Variants in ADGRB3 observed in about 807,000 individuals in gnomAD.
ADGRB3 encodes the protein brain-specific angiogenesis inhibitor 3.
A neutral mutation model predicts 193.4 loss-of-function variants in ADGRB3; 37 were observed. That is an observed-to-expected ratio of 0.19 (90% confidence interval 0.15 to 0.25). ADGRB3 has a LOEUF of 0.25. Among genes scored for constraint, ADGRB3 ranks in the 10% least tolerant of loss-of-function variants. The pLI is 1.00. For missense variants in ADGRB3, 1,637 were observed against 1,852.9 expected, an observed-to-expected ratio of 0.88 and a Z score of 2.14; for synonymous variants, 690 against 644.2, an observed-to-expected ratio of 1.07 and a Z score of -1.08.
intron 20 of ADGRB3, among the ~76,000 whole-genome samples, chr6:69,279,260 C>T (rs1272341696): frequency 6.6e-6 from 1 of 151,742 alleles, no homozygotes; most frequent in Non-Finnish European, 1.5e-5. Context: ...GCTAAGAACA[C>T]TTACATTAGT....
chr6:68,855,530 A>G (rs1294872551), intron 3 of ADGRB3, among the ~76,000 whole-genome samples: 4 of 151,986 alleles, frequency 2.6e-5, no homozygotes, highest in Non-Finnish European at 5.9e-5. Flanking sequence ...TAAAATATAT[A>G]TAACACTAAA....
At chr6:69,118,919 A>G (rs917129708) in intron 17 of ADGRB3, among the ~76,000 whole-genome samples, 1 of 152,190 alleles carries the variant, frequency 6.6e-6, no homozygotes, top group Admixed American at 6.5e-5. Flanking sequence ...TTTTCCTCTT[A>G]TAATGAAGAG....
At chr6:68,864,107 A>T (rs1765228484) in intron 3 of ADGRB3, among the ~76,000 whole-genome samples, 1 of 152,134 alleles carries the variant, frequency 6.6e-6, no homozygotes, top group Non-Finnish European at 1.5e-5. Context: ...AAATTATTTG[A>T]TCAGGGAAAA....
Position 69,361,299 on chromosome 6 carries a change from C to G in ADGRB3, c.4026C>G (p.His1342Gln), listed in dbSNP as rs777464638. 6.2e-7 allele frequency: 1 copy of G among 1,612,850 alleles called. No homozygotes were observed. The highest frequency in any genetic ancestry group is 8.5e-7 in the Non-Finnish European group (1 of 1,179,248). ...CCTTGCCGCATGAAAGGCTATTGCA[C>G]TACAAAGTAAACCCTGAATTCAATA... ...METLPHERLL[H>Q]YKVNPEFNMN... is the part of the protein sequence containing the mutation. Residue 1342 changes from histidine to glutamine, a missense_variant, in exon 29 of 32, where the codon CAC becomes CAG. Physicochemically the swap from His to Gln is conservative, Grantham distance 24 (BLOSUM62 0). Around this residue, in one of 7 missense-constraint regions of ADGRB3, gnomAD observed 368 missense variants for 367.4 expected, o/e 1.00. Coordinates refer to ENST00000370598, the MANE Select transcript of ADGRB3 (RefSeq NM_001704.3).
chr6:69,244,189 A>T (rs1287304172), intron 20 of ADGRB3, among the ~76,000 whole-genome samples: 1 of 152,066 alleles, frequency 6.6e-6, no homozygotes, highest in Non-Finnish European at 1.5e-5. Context: ...TCTGTCTTAA[A>T]GCACTTTTAA....
chr6:69,343,490 C>A (rs1218652837), intron 26 of ADGRB3, among the ~76,000 whole-genome samples: 1 of 151,962 alleles, frequency 6.6e-6, no homozygotes, highest in East Asian at 1.9e-4. Context: ...ATTTTACACT[C>A]ATTTCAAATC....
intron 20 of ADGRB3, among the ~76,000 whole-genome samples, chr6:69,252,864 G>A (rs996886542): frequency 6.6e-6 from 1 of 151,898 alleles, no homozygotes; most frequent in East Asian, 1.9e-4. Flanking sequence ...TACTCCTCTA[G>A]GTCATAAAAA....
At chr6:69,388,188 T>C (rs1262849369) in intron 31 of ADGRB3, among the ~76,000 whole-genome samples, 2 of 152,148 alleles carry the variant, frequency 1.3e-5, no homozygotes, top group Non-Finnish European at 2.9e-5. Flanking sequence ...CATTTAAATA[T>C]TCTAAAATGT....
In ADGRB3 at chr6:69,384,813, G is replaced by A. The variant is rs139839534; in HGVS notation, c.4380+1878G>A. On this transcript the variant is annotated intron_variant, in intron 31 of 31. Coordinates refer to ENST00000370598, the MANE Select transcript of ADGRB3 (RefSeq NM_001704.3). ...GAAAAAAATGCGACTTCCTTATTCA[G>A]TTTTTATTAATAATGAGCATGAGTG... Among the ~76,000 whole-genome samples, 273 of 151,982 alleles carry A rather than the reference G, an allele frequency of 1.8e-3. 1 individual carries two copies. Among genetic ancestry groups the A allele is most frequent in the Middle Eastern group, 3.4e-3 (1 of 294 alleles).
intron 17 of ADGRB3, among the ~76,000 whole-genome samples, chr6:69,216,428 TTGTGGTTATCAGAGGGTACTCC>T (rs1561955757): frequency 6.6e-6 from 1 of 152,166 alleles, no homozygotes; most frequent in African/African-American, 2.4e-5. Flanking sequence ...CAGGCCCTGG[TTGTGGTTATCAGAGGGTACTCC>T]TGTTGCCATC....
intron 17 of ADGRB3, among the ~76,000 whole-genome samples, chr6:69,184,622 G>A (rs990559776): frequency 3.7e-4 from 56 of 152,082 alleles, no homozygotes; most frequent in African/African-American, 1.2e-3. Flanking sequence ...CCCTACTGGA[G>A]AAATTGGACT....
chr6:69,026,045 A>T (rs558382514), intron 13 of ADGRB3, among the ~76,000 whole-genome samples: 1 of 152,330 alleles, frequency 6.6e-6, no homozygotes, highest in African/African-American at 2.4e-5. Context: ...ACCAGCTTTA[A>T]GAGGTCTCAG....
At chr6:68,940,857 A>G (rs1384015955) in intron 5 of ADGRB3, among the ~76,000 whole-genome samples, 1 of 152,074 alleles carries the variant, frequency 6.6e-6, no homozygotes, top group Admixed American at 6.6e-5. Flanking sequence ...GTGCCACTGC[A>G]CTCCAGCCTG....
chr6:69,255,984 G>C (rs1230616569), intron 20 of ADGRB3, among the ~76,000 whole-genome samples: 9 of 151,976 alleles, frequency 5.9e-5, no homozygotes, highest in African/African-American at 1.7e-4. Context: ...TCTTGTTTTT[G>C]TCAGGTTTGT....
chr6:69,303,761 C>G (rs1187904674), intron 20 of ADGRB3, among the ~76,000 whole-genome samples: 1 of 151,976 alleles, frequency 6.6e-6, no homozygotes, highest in African/African-American at 2.4e-5. Context: ...ACTGACCTAT[C>G]TCTAAAGAAT....
At chr6:68,957,667 G>T (rs1187885131) in intron 8 of ADGRB3, among the ~76,000 whole-genome samples, 1 of 152,146 alleles carries the variant, frequency 6.6e-6, no homozygotes, top group African/African-American at 2.4e-5. Flanking sequence ...ACAGCTGGTT[G>T]TGAGATCTTT....
At chr6:68,670,108 A>AT (rs1482580584) in intron 3 of ADGRB3, among the ~76,000 whole-genome samples, 1 of 151,436 alleles carries the variant, frequency 6.6e-6, no homozygotes, top group African/African-American at 2.4e-5. Context: ...CCATTTTTTG[A>AT]TTGGGTTATT....
intron 16 of ADGRB3, among the ~76,000 whole-genome samples, chr6:69,069,370 T>A (rs1325963541): frequency 6.6e-6 from 1 of 151,680 alleles, no homozygotes; most frequent in African/African-American, 2.4e-5. Flanking sequence ...TGTGATGGAT[T>A]TGACTGTGGA....
intron 10 of ADGRB3, among the ~76,000 whole-genome samples, chr6:68,976,352 T>C (rs1768748181): frequency 6.6e-6 from 1 of 152,172 alleles, no homozygotes; most frequent in African/African-American, 2.4e-5. Flanking sequence ...CTTATGAAAC[T>C]TGGAGTTAAA....
Sources: gnomAD v4.1 joint callset for allele counts (sites outside exome capture counted in the v4.1 genomes callset) on GRCh38, gnomAD v4.1.1 for gene constraint, gnomAD v4.1.1 regional missense constraint, MANE v1.5 for transcripts, NCBI Gene and HGNC (gene_info 2026-07-23, HGNC 2026-07-21) for gene names.